Variants in HDDC2 observed in about 807,000 individuals in gnomAD.
HDDC2 encodes the protein 5'-deoxynucleotidase HDDC2.
HDDC2 carries 25 observed loss-of-function variants against 25.5 expected under a neutral mutation model. That is an observed-to-expected ratio of 0.98 (90% CI 0.72 to 1.37). The LOEUF (loss-of-function observed/expected upper bound fraction) is 1.37. HDDC2 is among the 40% of genes most tolerant of loss of function. The pLI is 0.00. For synonymous variants in HDDC2, 106 were observed against 89.7 expected (o/e 1.18, Z -1.03); for missense variants, 264 against 253.1 (o/e 1.04, Z -0.29).
chr6:125,285,396 T>G (rs926512754), intron 4 of HDDC2, among the ~76,000 whole-genome samples: 1 of 152,014 alleles, frequency 6.6e-6, no homozygotes, highest in Non-Finnish European at 1.5e-5. Context: ...TTTTAGAAAC[T>G]AAGCAATAAG....
At chr6:125,296,579 GA>G (rs1241909814) in intron 3 of HDDC2, among the ~76,000 whole-genome samples, 1 of 152,182 alleles carries the variant, frequency 6.6e-6, no homozygotes, top group Admixed American at 6.5e-5. Context: ...CCAGCAGCAG[GA>G]AGAGGCAATA....
chr6:125,291,130 C>T (rs1176525045), intron 4 of HDDC2, among the ~76,000 whole-genome samples: 3 of 152,206 alleles, frequency 2.0e-5, no homozygotes, highest in Non-Finnish European at 4.4e-5. Flanking sequence ...GAGATGCAAC[C>T]TAACTCCACT....
intron 3 of HDDC2, 96 bp downstream of exon 3, chr6:125,298,618 T>A: frequency 1.2e-6 from 1 of 843,766 alleles, no homozygotes; most frequent in South Asian, 1.4e-5. Context: ...ATCAAGGCGG[T>A]ATTCTCCCTA....
intron 3 of HDDC2, among the ~76,000 whole-genome samples, chr6:125,294,756 A>G (rs1798682911): frequency 6.6e-6 from 1 of 152,224 alleles, no homozygotes; most frequent in South Asian, 2.1e-4. Flanking sequence ...TGATCTGACC[A>G]AGGTGGAAGA....
chr6:125,280,739 C>T (rs1015009808), intron 4 of HDDC2, among the ~76,000 whole-genome samples: 11 of 152,222 alleles, frequency 7.2e-5, no homozygotes, highest in African/African-American at 2.2e-4. Flanking sequence ...GATAAAACTC[C>T]CATCTCCTTG....
chr6:125,285,875 T>TA (rs1798527008), intron 4 of HDDC2, among the ~76,000 whole-genome samples: 1 of 152,206 alleles, frequency 6.6e-6, no homozygotes, highest in African/African-American at 2.4e-5. Flanking sequence ...CAACTGGAGA[T>TA]ACAGTTGGCT....
Position 125,300,634 on chromosome 6 carries a change from T to TATACCC in HDDC2, c.104_109dup (p.Trp35_Val36dup). On this transcript the variant is annotated inframe_insertion, in exon 2 of 6. Coordinates refer to ENST00000398153, the MANE Select transcript of HDDC2 (RefSeq NM_016063.3). Reference sequence around the variant, plus strand: ...GCTCTCCGGCCTCTGGACATTTCTGTATACCCAGCCAGTTCGTGGGACTCT... The same window carrying TATACCC: ...GCTCTCCGGCCTCTGGACATTTCTGTATACCCATACCCAGCCAGTTCGTGGGACTCT... 6.2e-7 allele frequency: 1 copy of TATACCC among 1,614,048 alleles called. No individual in the cohort carries two copies.
At chr6:125,293,457 T>C (rs958847511) in intron 3 of HDDC2, among the ~76,000 whole-genome samples, 2 of 152,230 alleles carry the variant, frequency 1.3e-5, no homozygotes, top group Non-Finnish European at 2.9e-5. Flanking sequence ...TAGAATTTTG[T>C]AGGCTCACAG....
rs1226269906 is a variant in HDDC2 at position 125,276,179 on chromosome 6, G to T, written c.582C>A (p.Asn194Lys). ...GTGGCTCACTGGCAGCTGCAGCTAT[G>T]TTAGTGCTTCTTTCTGCCTCAAGTT... The part of the protein sequence containing the change: ...VSELEAERST[N>K]IAAAASEPHS Residue 194 changes from asparagine (N) to lysine (K), a missense_variant, in exon 6 of 6, where the codon AAC (asparagine) becomes AAA (lysine). Asn to Lys is a moderately conservative substitution (Grantham distance 94). Coordinates refer to ENST00000398153, the MANE Select transcript of HDDC2 (RefSeq NM_016063.3). 10 of 1,613,948 alleles carry T rather than the reference G, an allele frequency of 6.2e-6. No individual in the cohort carries two copies. The highest frequency in any genetic ancestry group is 7.6e-6 in the Non-Finnish European group (9 of 1,179,906).
At chr6:125,285,200 A>G in intron 4 of HDDC2, among the ~76,000 whole-genome samples, 1 of 152,082 alleles carries the variant, frequency 6.6e-6, no homozygotes. Flanking sequence ...GCATTAGGAG[A>G]AATACCTAAT....
Position 125,297,222 on chromosome 6 carries a change from A to G in HDDC2, c.309+1492T>C, listed in dbSNP as rs115129765. ...GTTCAGCTGCTAATTCCTTTCTGCAACTAAGAATCTCGAACTAATTGGTTT... is the reference window on the plus strand; with the variant it reads ...GTTCAGCTGCTAATTCCTTTCTGCAGCTAAGAATCTCGAACTAATTGGTTT... On this transcript the variant is annotated intron_variant, in intron 3 of 5. Transcript: ENST00000398153. Among the ~76,000 whole-genome samples, 443 of 152,314 alleles carry G rather than the reference A, an allele frequency of 2.9e-3. 2 individuals are homozygous for G. The highest frequency in any genetic ancestry group is 0.01 in the African/African-American group (419 of 41,566).
At chr6:125,299,220 TA>T (rs1458065686) in intron 2 of HDDC2, among the ~76,000 whole-genome samples, 3 of 152,036 alleles carry the variant, frequency 2.0e-5, no homozygotes, top group Non-Finnish European at 4.4e-5. Context: ...CCATCTCTAC[TA>T]AAAATACAAA....
intron 4 of HDDC2, among the ~76,000 whole-genome samples, chr6:125,286,452 G>C (rs1386003085): frequency 1.3e-5 from 2 of 152,214 alleles, no homozygotes; most frequent in Non-Finnish European, 2.9e-5. Flanking sequence ...TGTGTAAAGA[G>C]GGATAAAGCA....
intron 4 of HDDC2, among the ~76,000 whole-genome samples, chr6:125,290,939 TA>T (rs1235251836): frequency 1.1e-4 from 17 of 152,232 alleles, no homozygotes; most frequent in African/African-American, 4.1e-4. Context: ...AATTTTGCAG[TA>T]AAGTTTTTCA....
chr6:125,301,146 T>G (rs1383901816), intron 1 of HDDC2, among the ~76,000 whole-genome samples: 1 of 152,202 alleles, frequency 6.6e-6, no homozygotes, highest in African/African-American at 2.4e-5. Context: ...ATTCACATCA[T>G]AACTTCATCT....
intron 4 of HDDC2, among the ~76,000 whole-genome samples, chr6:125,283,631 G>C (rs956549824): frequency 1.3e-5 from 2 of 152,104 alleles, no homozygotes; most frequent in African/African-American, 4.8e-5. Context: ...ACCTCTTCAA[G>C]GAGAACTACA....
At chr6:125,285,555 A>G (rs1316857259) in intron 4 of HDDC2, among the ~76,000 whole-genome samples, 1 of 152,090 alleles carries the variant, frequency 6.6e-6, no homozygotes. Flanking sequence ...AAGACAGGCA[A>G]AGAAGAACCA....
intron 4 of HDDC2, among the ~76,000 whole-genome samples, chr6:125,287,052 TAAGAG>T (rs1798548610): frequency 1.3e-5 from 2 of 151,952 alleles, no homozygotes; most frequent in African/African-American, 4.8e-5. Flanking sequence ...CTGTATAAAA[TAAGAG>T]AACAGAGGAA....
At chr6:125,301,763 C>A in intron 1 of HDDC2, 86 bp downstream of exon 1, 2 of 1,011,988 alleles carry the variant, frequency 2.0e-6, no homozygotes, top group Non-Finnish European at 2.8e-6. Context: ...GGGCAAAGAC[C>A]GCCGGCCGAG....
Sources: gnomAD v4.1 joint callset for allele counts (sites outside exome capture counted in the v4.1 genomes callset) on GRCh38, gnomAD v4.1.1 for gene constraint, MANE v1.5 for transcripts, NCBI Gene and HGNC (gene_info 2026-07-23, HGNC 2026-07-21) for gene names.